Variants in ZER1 observed in about 807,000 individuals in gnomAD.
ZER1 encodes protein zer-1 homolog.
Under a neutral mutation model 78.8 loss-of-function variants are expected in ZER1, and 11 were observed. The ratio of observed to expected loss-of-function variants is 0.14; its 90% CI spans 0.09 to 0.23. The LOEUF is 0.23. Among genes scored for constraint, ZER1 ranks in the 10% least tolerant of loss-of-function variants. ZER1 has a pLI of 1.00. For missense variants in ZER1, 588 were observed against 996.9 expected, an observed-to-expected ratio of 0.59 and a Z score of 5.52; for synonymous variants, 400 against 407.0, an observed-to-expected ratio of 0.98 and a Z score of 0.21.
intron 1 of ZER1, among the ~76,000 whole-genome samples, chr9:128,770,941 G>A (rs1864364238): frequency 6.6e-6 from 1 of 152,142 alleles, no homozygotes; most frequent in Admixed American, 6.6e-5. Flanking sequence ...AGGCTGGAGC[G>A]GGCGGATCAC....
chr9:128,736,115 A>AT (rs1452127060), intron 13 of ZER1, among the ~76,000 whole-genome samples: 1 of 151,202 alleles, frequency 6.6e-6, no homozygotes, highest in Non-Finnish European at 1.5e-5. Flanking sequence ...AACCCGGCTA[A>AT]TTTTTTTGTA....
At chr9:128,766,541 T>A (rs1012455091) in intron 1 of ZER1, among the ~76,000 whole-genome samples, 1 of 151,954 alleles carries the variant, frequency 6.6e-6, no homozygotes, top group East Asian at 2.0e-4. Flanking sequence ...AGGTAGTTCA[T>A]TAGTTCAAGA....
intron 8 of ZER1, among the ~76,000 whole-genome samples, chr9:128,743,678 C>A (rs1207855565): frequency 6.6e-6 from 1 of 152,052 alleles, no homozygotes. Context: ...CCTCAGCCTC[C>A]CAGAGTTCTG....
intron 13 of ZER1, among the ~76,000 whole-genome samples, chr9:128,735,915 C>T (rs1460246972): frequency 6.6e-6 from 1 of 151,526 alleles, no homozygotes; most frequent in Non-Finnish European, 1.5e-5. Context: ...GTAACTGAGA[C>T]TACAGGGGTG....
chr9:128,753,559 G>A lies in ZER1; in HGVS notation c.351C>T (p.Ser117=), dbSNP rs140625501. ...TCCTCAGTGTCTGCAGGCTCTTGGC[G>A]GACAGCTTCTCGCAGTTAGTCAGGT... The part of the protein sequence containing the change: ...ELYLTNCEKL[S]AKSLQTLRSF... The change falls in exon 4 of 16, where the codon TCC becomes TCT. Residue 117 remains serine, a synonymous_variant. Transcript: ENST00000291900. The surrounding 1 kb of genome is among the most constrained non-coding windows in gnomAD (Gnocchi z 7.5). 2.6e-5 allele frequency: 42 copies of A among 1,613,866 alleles called. No individual in the cohort carries two copies. Among genetic ancestry groups the A allele is most frequent in the South Asian group, 1.8e-4 (16 of 91,092 alleles).
chr9:128,765,778 C>T (rs1242934996), intron 1 of ZER1, among the ~76,000 whole-genome samples: 1 of 152,156 alleles, frequency 6.6e-6, no homozygotes, highest in Admixed American at 6.6e-5. Flanking sequence ...GGAGTCACAG[C>T]AAGTGTGGGG....
chr9:128,772,088 A>G (rs1215734166), upstream of ZER1: 2 of 151,794 alleles, frequency 1.3e-5, no homozygotes, highest in Non-Finnish European at 2.9e-5. Context: ...AAGCCGCGGG[A>G]TGCCCCCCCC....
chr9:128,758,239 C>G (rs1436227774), intron 1 of ZER1, among the ~76,000 whole-genome samples: 1 of 151,492 alleles, frequency 6.6e-6, no homozygotes, highest in Non-Finnish European at 1.5e-5. Context: ...CCTGCCTCAG[C>G]CTCCCGAATA....
Position 128,751,288 on chromosome 9 carries a change from A to T in ZER1, c.1039-20T>A. 6.3e-7 allele frequency: 1 copy of T among 1,599,384 alleles called. No homozygotes were observed. The highest frequency in any genetic ancestry group is 8.6e-7 in the Non-Finnish European group (1 of 1,168,522). On this transcript the variant is annotated intron_variant, in intron 6 of 15. Transcript: ENST00000291900. This position sits in a 1 kb window ranked among gnomAD's most constrained non-coding sequence, Gnocchi z 5.4. Reference sequence around the variant, plus strand: ...ACTTACCTGCGGGTGGGACACGCTCAGAACAACCCAGCAGAGGCCAAGGGC... The same window carrying T: ...ACTTACCTGCGGGTGGGACACGCTCTGAACAACCCAGCAGAGGCCAAGGGC...
At position 128,730,239 on chromosome 9, in the gene ZER1, G is replaced by C. The variant is rs1173317418; in HGVS notation, c.*1098C>G. ...GGAGCAAGAGAGCCGGCGCCTCTCAGGCTTCCAAGGTAAAGCCTAGGGCAG... is the reference window on the plus strand; with the variant it reads ...GGAGCAAGAGAGCCGGCGCCTCTCACGCTTCCAAGGTAAAGCCTAGGGCAG... On this transcript the variant is annotated 3_prime_UTR_variant, in exon 16 of 16. Coordinates refer to ENST00000291900, the MANE Select transcript of ZER1 (RefSeq NM_006336.4). 1 of 153,072 alleles carries C rather than the reference G, an allele frequency of 6.5e-6. No homozygotes were observed. Among genetic ancestry groups the C allele is most frequent in the Non-Finnish European group, 1.5e-5 (1 of 68,382 alleles). 9.5% of individuals were successfully genotyped at this position (153,072 alleles called of 1,614,324 possible).
rs914300263 is a variant in ZER1, at chr9:128,759,957, G to A, written c.-94-4298C>T. 4.6e-5 allele frequency among the ~76,000 whole-genome samples: 7 copies of A among 152,146 alleles called. No homozygotes were observed. In the East Asian group the frequency reaches 7.8e-4, roughly 17 times the overall value. On this transcript the variant is annotated intron_variant, in intron 1 of 15. Coordinates refer to ENST00000291900, the MANE Select transcript of ZER1 (RefSeq NM_006336.4). ...TGTGGTGGTATGATCACGGCTCACC[G>A]CAGCCTTGACCTCCTGGGCTCAAGC...
At chr9:128,742,440 A>G in intron 9 of ZER1, 90 bp downstream of exon 9, 1 of 1,478,490 alleles carries the variant, frequency 6.8e-7, no homozygotes, top group Non-Finnish European at 9.3e-7. Flanking sequence ...TCCCAGCCCC[A>G]GGCCCTGCTC....
At position 128,731,340 on chromosome 9, in the gene ZER1, T is replaced by A; in HGVS notation, c.2298A>T (p.Arg766Ser). The A allele has an allele frequency of 6.2e-7, 1 of 1,609,334 alleles. No individual in the cohort carries two copies. The highest frequency in any genetic ancestry group is 8.5e-7 in the Non-Finnish European group (1 of 1,177,618). Residue 766 changes from arginine (R) to serine (S), a missense_variant, in exon 16 of 16, where the codon AGA (arginine) becomes AGT (serine). Physicochemically the swap from Arg to Ser is moderately radical, Grantham distance 110. This residue lies in a region of ZER1 where 122 missense variants were observed against 173.5 expected (regional missense o/e 0.70). Transcript: ENST00000291900. ...NFKEENMDTS[R>S] ...GCGGCCATGGGGACGGAGGCCTCTA[T>A]CTAGACGTGTCCATGTTCTCCTCTT...
At chr9:128,744,026 T>C (rs1288438711) in intron 8 of ZER1, among the ~76,000 whole-genome samples, 1 of 150,546 alleles carries the variant, frequency 6.6e-6, no homozygotes, top group African/African-American at 2.4e-5. Flanking sequence ...GCCTCCTGAG[T>C]AGCTAGGATT....
At position 128,753,894 on chromosome 9, in the gene ZER1, G is replaced by A. The variant is rs755971984; in HGVS notation, c.224C>T (p.Ser75Leu). The change falls in exon 3 of 16, where the codon TCG (serine) becomes TTG (leucine). Residue 75 changes from serine to leucine, a missense_variant. By Grantham distance (145) the Ser-to-Leu change is moderately radical. Transcript: ENST00000291900. The surrounding 1 kb of genome is among the most constrained non-coding windows in gnomAD (Gnocchi z 7.5). The part of the protein sequence containing the change: ...EPHESFFSLF[S>L]DPRSTRLTRI... ...CGTGAGGCGGGTGCTGCGGGGGTCC[G>A]AAAAGAGGCTGAAGAAGCTCTCGTG... 3.1e-6 allele frequency: 5 copies of A among 1,599,464 alleles called. No individual in the cohort carries two copies. The highest frequency in any genetic ancestry group is 1.3e-5 in the African/African-American group (1 of 74,712).
In ZER1 at chr9:128,761,142, A is replaced by G. The variant is rs1319625311; in HGVS notation, c.-94-5483T>C. Reference sequence around the variant, plus strand: ...CACTGCACTCCAGCCTGGGCGACAGAGCCAGACTCTGTCTCAAAAAAAAAA... The same window carrying G: ...CACTGCACTCCAGCCTGGGCGACAGGGCCAGACTCTGTCTCAAAAAAAAAA... On this transcript the variant is annotated intron_variant, in intron 1 of 15. Coordinates refer to ENST00000291900, the MANE Select transcript of ZER1 (RefSeq NM_006336.4). 4.2e-5 allele frequency among the ~76,000 whole-genome samples: 6 copies of G among 142,002 alleles called. No homozygotes were observed. The East Asian group carries it at 1.2e-3, about 28-fold the overall frequency. The allele number at this position is 142,002 out of a possible 152,430, so 93.2% of individuals were successfully genotyped here. A position where few individuals can be genotyped will look rare whatever the true frequency, so the allele number is the denominator to read the frequency against.
At chr9:128,739,776 G>A (rs1458872197) in intron 13 of ZER1, among the ~76,000 whole-genome samples, 155 bp downstream of exon 13, 1 of 152,110 alleles carries the variant, frequency 6.6e-6, no homozygotes, top group Non-Finnish European at 1.5e-5. Context: ...TATGCTCTGT[G>A]CTGTGTGCGG....
Position 128,741,793 on chromosome 9 carries a change from GACTT to G in ZER1, c.1617+3_1617+6del. The G allele has an allele frequency of 6.2e-7, 1 of 1,614,196 alleles. No homozygotes were observed. ...GGGTAGCGTGGCTTCGTGAAGACTT[GACTT>G]ACTGTCTTGTCCAGCAGCTTCTTCT... is the stretch of plus-strand genomic sequence containing the variant. On this transcript the variant is annotated splice_donor_5th_base_variant and intron_variant, in intron 10 of 15. Transcript: ENST00000291900.
intron 1 of ZER1, among the ~76,000 whole-genome samples, chr9:128,764,245 A>G (rs1864137306): frequency 6.6e-6 from 1 of 152,188 alleles, no homozygotes; most frequent in South Asian, 2.1e-4. Context: ...GGAAGGAATG[A>G]CAAAGTACTC....
Sources: allele counts gnomAD v4.1 joint callset (sites outside exome capture counted in the v4.1 genomes callset), GRCh38; gene constraint gnomAD v4.1.1; regional missense constraint gnomAD v4.1.1; non-coding constraint Gnocchi (gnomAD v3.1); transcripts MANE v1.5; gene names NCBI Gene and HGNC (gene_info 2026-07-23, HGNC 2026-07-21).